Variants in CDH4 observed in about 807,000 individuals in gnomAD.
CDH4 encodes the protein cadherin 4, also known as cadherin-4.
CDH4 carries 33 observed loss-of-function variants against 86.0 expected under a neutral mutation model. That is an observed-to-expected ratio of 0.38 (90% confidence interval 0.29 to 0.51). The LOEUF is 0.51. Among genes scored for constraint, CDH4 ranks in the 20% least tolerant of loss-of-function variants. The pLI is 0.86. For missense variants in CDH4, 1,114 were observed against 1,307.4 expected (o/e 0.85, Z 2.28); for synonymous variants, 555 against 549.4 (o/e 1.01, Z -0.14).
At chr20:61,383,474 T>G (rs1224742831) in intron 2 of CDH4, among the ~76,000 whole-genome samples, 1 of 92,480 alleles carries the variant, frequency 1.1e-5, no homozygotes, top group Non-Finnish European at 2.0e-5. Flanking sequence ...TATATATGAA[T>G]ATATATGATA....
chr20:61,813,462 A>G (rs553709003), intron 4 of CDH4, among the ~76,000 whole-genome samples: 1 of 152,274 alleles, frequency 6.6e-6, no homozygotes, highest in African/African-American at 2.4e-5. Context: ...CTTTCCACCA[A>G]TGGGGACCTG....
intron 9 of CDH4, among the ~76,000 whole-genome samples, chr20:61,919,972 G>A (rs866505521): frequency 1.5e-3 from 226 of 152,200 alleles, no homozygotes; most frequent in South Asian, 0.013. Flanking sequence ...GTGTGGAAGC[G>A]TGGTATCGCG....
chr20:61,592,789 T>C (rs943169295), intron 2 of CDH4, among the ~76,000 whole-genome samples: 2 of 152,192 alleles, frequency 1.3e-5, no homozygotes, highest in Non-Finnish European at 2.9e-5. Context: ...GTGTCATTCG[T>C]ACTCACTTTG....
intron 4 of CDH4, among the ~76,000 whole-genome samples, chr20:61,815,692 G>T (rs778052337): frequency 6.6e-6 from 1 of 152,196 alleles, no homozygotes; most frequent in Non-Finnish European, 1.5e-5. Flanking sequence ...TGCTTTCGAC[G>T]CCCGGAGGCC....
intron 2 of CDH4, among the ~76,000 whole-genome samples, chr20:61,630,226 T>G (rs568025533): frequency 6.6e-6 from 1 of 152,308 alleles, no homozygotes; most frequent in South Asian, 2.1e-4. Flanking sequence ...TTGGTGTGTG[T>G]GCAGCGCATG....
intron 2 of CDH4, among the ~76,000 whole-genome samples, chr20:61,694,336 G>A (rs940034298): frequency 2.0e-5 from 3 of 152,272 alleles, no homozygotes; most frequent in Non-Finnish European, 2.9e-5. Context: ...GGAGCTACAG[G>A]CACTGGTTCT....
chr20:61,789,767 G>A (rs577493642), intron 4 of CDH4, among the ~76,000 whole-genome samples: 25 of 152,360 alleles, frequency 1.6e-4, no homozygotes, highest in African/African-American at 5.8e-4. Context: ...TTGCCCCTGG[G>A]AGGTAGAACT....
At chr20:61,334,538 A>G (rs562418311) in intron 2 of CDH4, among the ~76,000 whole-genome samples, 17 of 152,328 alleles carry the variant, frequency 1.1e-4, no homozygotes, top group Middle Eastern at 3.4e-3. Flanking sequence ...GCAGTTCGGC[A>G]TCTGTTCGGC....
At chr20:61,570,491 A>G (rs1268088186) in intron 2 of CDH4, 1 of 585,708 alleles carries the variant, frequency 1.7e-6, no homozygotes, top group African/African-American at 1.9e-5. Context: ...TCTCCCTCGC[A>G]GCCCCTGCTC....
intron 2 of CDH4, among the ~76,000 whole-genome samples, chr20:61,265,084 G>A (rs112047517): frequency 0.015 from 1,369 of 90,142 alleles, 19 homozygotes; most frequent in African/African-American, 0.053. Context: ...TCTTACACAT[G>A]TCTCAGTGGC....
At chr20:61,706,778 G>A (rs142808670) in intron 2 of CDH4, among the ~76,000 whole-genome samples, 1,602 of 152,292 alleles carry the variant, frequency 0.011, 31 homozygotes, top group African/African-American at 0.033. Context: ...GAACTGGCTC[G>A]GGCAGGACGT....
At chr20:61,814,670 G>C (rs1980623635) in intron 4 of CDH4, among the ~76,000 whole-genome samples, 1 of 152,214 alleles carries the variant, frequency 6.6e-6, no homozygotes, top group Admixed American at 6.5e-5. Context: ...GTTTGTAATT[G>C]CTATCTTCAT....
intron 2 of CDH4, among the ~76,000 whole-genome samples, chr20:61,527,838 C>A (rs554803028): frequency 4.6e-5 from 7 of 152,020 alleles, no homozygotes; most frequent in Admixed American, 3.3e-4. Flanking sequence ...CATGACAAGA[C>A]GGTCTGTCAG....
intron 2 of CDH4, among the ~76,000 whole-genome samples, chr20:61,726,011 A>G (rs986905453): frequency 1.3e-5 from 2 of 152,046 alleles, no homozygotes; most frequent in African/African-American, 2.4e-5. Flanking sequence ...CTTTCTCACC[A>G]CGTCACATGG....
In CDH4 at chr20:61,730,154, G is replaced by A. The variant is rs75810225; in HGVS notation, c.170-13409G>A. 7.8e-3 allele frequency among the ~76,000 whole-genome samples: 1,186 copies of A among 152,188 alleles called. 13 individuals are homozygous for A. The highest frequency in any genetic ancestry group is 9.5e-3 in the Non-Finnish European group (647 of 68,022). On this transcript the variant is annotated intron_variant, in intron 2 of 15. Coordinates refer to ENST00000614565, the MANE Select transcript of CDH4 (RefSeq NM_001794.5). Reference sequence around the variant, plus strand: ...AAAAATAACATGTCAGTACCGACGCGTTATTAGGACACAGTCCAGGCTCCA... The same window carrying A: ...AAAAATAACATGTCAGTACCGACGCATTATTAGGACACAGTCCAGGCTCCA...
intron 2 of CDH4, among the ~76,000 whole-genome samples, chr20:61,600,608 A>G (rs1275246728): frequency 6.6e-6 from 1 of 152,192 alleles, no homozygotes; most frequent in African/African-American, 2.4e-5. Context: ...TGTCTTCACA[A>G]CTATTGTCCC....
At position 61,252,410 on chromosome 20, in the gene CDH4, C is replaced by G; in HGVS notation, c.-104C>G. 2.4e-6 allele frequency: 1 copy of G among 415,754 alleles called. No individual in the cohort carries two copies. The highest frequency in any genetic ancestry group is 3.2e-6 in the Non-Finnish European group (1 of 314,086). 25.8% of individuals were successfully genotyped at this position (415,754 alleles called of 1,614,324 possible). A position where few individuals can be genotyped will look rare whatever the true frequency, so the allele number is the denominator to read the frequency against. ...CCGGGCAGGCGCGGGGGAGCGGCGG[C>G]GGCGGCGGCGATCGGAGCGGCGGCG... On this transcript the variant is annotated 5_prime_UTR_variant, in exon 1 of 16. Coordinates refer to ENST00000614565, the MANE Select transcript of CDH4 (RefSeq NM_001794.5). The surrounding 1 kb of genome is among the most constrained non-coding windows in gnomAD (Gnocchi z 4.4).
chr20:61,604,366 G>T (rs1050928497), intron 2 of CDH4, among the ~76,000 whole-genome samples: 3 of 152,196 alleles, frequency 2.0e-5, no homozygotes, highest in Non-Finnish European at 2.9e-5. Flanking sequence ...GATCTCCGAT[G>T]AGTTATTAAT....
In CDH4 at chr20:61,525,356, A is replaced by G. The variant is rs145491620; in HGVS notation, c.170-218207A>G. Among the ~76,000 whole-genome samples, 10 of 152,280 alleles carry G rather than the reference A, an allele frequency of 6.6e-5. No homozygotes were observed. In the East Asian group the frequency reaches 1.9e-3, roughly 29 times the overall value. ...CTGCAGCACTTCCTTGGGTTTGCCC[A>G]GTGCTGCCCTGGACAGTCTCCATCA... On this transcript the variant is annotated intron_variant, in intron 2 of 15. Coordinates refer to ENST00000614565, the MANE Select transcript of CDH4 (RefSeq NM_001794.5).
Sources: gnomAD v4.1 joint callset for allele counts (sites outside exome capture counted in the v4.1 genomes callset) on GRCh38, gnomAD v4.1.1 for gene constraint, Gnocchi (gnomAD v3.1) non-coding constraint, MANE v1.5 for transcripts, NCBI Gene and HGNC (gene_info 2026-07-23, HGNC 2026-07-21) for gene names.